ZFYVE1: variants seen among roughly 807,000 people sequenced by gnomAD.
ZFYVE1 encodes zinc finger FYVE domain-containing protein 1.
Under a neutral mutation model 74.4 loss-of-function variants are expected in ZFYVE1, and 30 were observed. That is an observed-to-expected ratio of 0.40 (90% CI 0.30 to 0.55). The LOEUF (loss-of-function observed/expected upper bound fraction) is 0.55, where lower values mean the gene tolerates loss of function less well. ZFYVE1 is among the 20% of genes least tolerant of loss of function. The pLI is 0.42. For missense variants in ZFYVE1, 703 were observed against 1,011.6 expected, an observed-to-expected ratio of 0.69 and a Z score of 4.14; for synonymous variants, 335 against 385.1, an observed-to-expected ratio of 0.87 and a Z score of 1.52.
chr14:72,996,642 A>C (rs558799594), intron 3 of ZFYVE1, among the ~76,000 whole-genome samples: 56 of 152,150 alleles, frequency 3.7e-4, no homozygotes, highest in Admixed American at 7.2e-4. Context: ...CCCCTCCTCC[A>C]TCTAGCCAAG....
chr14:72,998,353 C>T (rs1380698613), intron 2 of ZFYVE1, 38 bp from the exon 3 acceptor site: 2 of 1,471,864 alleles, frequency 1.4e-6, no homozygotes, highest in East Asian at 2.3e-5. Context: ...AATACAGAAA[C>T]TGTAAAAGCA....
chr14:72,992,068 G>A (rs1050147025), intron 4 of ZFYVE1, among the ~76,000 whole-genome samples: 5 of 151,892 alleles, frequency 3.3e-5, no homozygotes, highest in Admixed American at 6.6e-5. Flanking sequence ...CACCATGCCC[G>A]GCTAATTTTT....
intron 2 of ZFYVE1, among the ~76,000 whole-genome samples, chr14:73,001,050 C>G (rs917289474): frequency 6.6e-6 from 1 of 152,240 alleles, no homozygotes; most frequent in Non-Finnish European, 1.5e-5. Flanking sequence ...TTCCTCCTTT[C>G]AGTCTTCCTA....
chr14:73,025,434 A>G (rs572823593), intron 1 of ZFYVE1, among the ~76,000 whole-genome samples: 7 of 151,596 alleles, frequency 4.6e-5, no homozygotes, highest in Non-Finnish European at 1.0e-4. Context: ...AGTGGCTCAC[A>G]CCTGTAATTC....
chr14:72,969,793 T>C lies in ZFYVE1; in HGVS notation c.*1089A>G. 2.9e-6 allele frequency: 2 copies of C among 696,966 alleles called. No individual in the cohort carries two copies. Among genetic ancestry groups the C allele is most frequent in the South Asian group, 3.0e-5 (2 of 66,446 alleles). The allele number at this position is 696,966 out of a possible 1,614,324, so 43.2% of individuals were successfully genotyped here. A position where few individuals can be genotyped will look rare whatever the true frequency, so the allele number is the denominator to read the frequency against. ...AAACAAAAGTTCCTTTGACTTCTCT[T>C]GCAAGGACCAAAGAGATAAATTTTT... On this transcript the variant is annotated 3_prime_UTR_variant, in exon 12 of 12. Transcript: ENST00000556143.
chr14:73,006,932 G>A (rs763716673), intron 2 of ZFYVE1, among the ~76,000 whole-genome samples: 55 of 151,782 alleles, frequency 3.6e-4, no homozygotes, highest in Admixed American at 3.4e-3. Context: ...AGCTGGTCTC[G>A]AACTCCCTGA....
intron 2 of ZFYVE1, among the ~76,000 whole-genome samples, chr14:72,999,522 G>C (rs1011868511): frequency 6.6e-6 from 1 of 152,040 alleles, no homozygotes; most frequent in Admixed American, 6.5e-5. Flanking sequence ...AGGAGTTGGA[G>C]GTTACAGTGA....
chr14:72,975,978 C>G lies in ZFYVE1; in HGVS notation c.1636-257G>C. 1 of 393,062 alleles carries G rather than the reference C, an allele frequency of 2.5e-6. No individual in the cohort carries two copies. Among genetic ancestry groups the G allele is most frequent in the Admixed American group, 4.2e-5 (1 of 23,598 alleles). The allele number at this position is 393,062 out of a possible 1,614,324, so 24.3% of individuals were successfully genotyped here. On this transcript the variant is annotated intron_variant, in intron 8 of 11. Transcript: ENST00000556143. This position sits in a 1 kb window ranked among gnomAD's most constrained non-coding sequence, Gnocchi z 4.1. ...AGGAGATGACACCTCCTCCAGGGGG[C>G]CCCGCACCGCAGGCTGAGTTAAGAA...
At chr14:73,012,404 C>T (rs1163709060) in intron 2 of ZFYVE1, among the ~76,000 whole-genome samples, 1 of 151,968 alleles carries the variant, frequency 6.6e-6, no homozygotes. Context: ...GGTGGATCAC[C>T]TGAGGTCAGG....
At chr14:73,014,487 T>C (rs1220749730) in intron 2 of ZFYVE1, among the ~76,000 whole-genome samples, 2 of 152,240 alleles carry the variant, frequency 1.3e-5, no homozygotes, top group Non-Finnish European at 2.9e-5. Context: ...GAGGAGGCCC[T>C]ACTACCAACC....
rs370949783 is a variant in ZFYVE1 at position 73,024,084 on chromosome 14, T to C, written c.425A>G (p.Lys142Arg). The change falls in exon 2 of 12, where the codon AAG (lysine) becomes AGG (arginine). Residue 142 changes from lysine (K) to arginine (R), a missense_variant. Lys to Arg is a conservative substitution (Grantham distance 26). Transcript: ENST00000556143. ...AEEMDEETKR[K>R]KMTEKVVSFL... ...ACTCACAACCTTCTCAGTCATCTTC[T>C]TCCTCTTGGTCTCCTCATCCATCTC... is the stretch of plus-strand genomic sequence containing the variant. 8.1e-5 allele frequency: 130 copies of C among 1,614,186 alleles called. No individual in the cohort carries two copies. The highest frequency in any genetic ancestry group is 9.9e-5 in the Non-Finnish European group (117 of 1,180,048).
rs200618669 is a variant in ZFYVE1 at position 73,024,022 on chromosome 14, T to G, written c.483+4A>C. On this transcript the variant is annotated splice_donor_region_variant and intron_variant, in intron 2 of 11. Coordinates refer to ENST00000556143, the MANE Select transcript of ZFYVE1 (RefSeq NM_021260.4). ...CATGAATCCCACTATACCCGTGTGCTTACCTGAATTTCTTCATTTTCGTCT... is the reference window on the plus strand; with the variant it reads ...CATGAATCCCACTATACCCGTGTGCGTACCTGAATTTCTTCATTTTCGTCT... 8.1e-6 allele frequency: 13 copies of G among 1,613,300 alleles called. No individual in the cohort carries two copies. The highest frequency in any genetic ancestry group is 7.7e-5 in the South Asian group (7 of 91,034).
intron 4 of ZFYVE1, among the ~76,000 whole-genome samples, chr14:72,982,417 T>C (rs985854248): frequency 2.0e-5 from 3 of 151,414 alleles, no homozygotes; most frequent in Non-Finnish European, 2.9e-5. Context: ...AGAATTATTA[T>C]AGTGTTTGCC....
intron 2 of ZFYVE1, among the ~76,000 whole-genome samples, chr14:73,007,224 TGGAA>T (rs1352520888): frequency 1.3e-5 from 2 of 152,016 alleles, no homozygotes; most frequent in Non-Finnish European, 2.9e-5. Flanking sequence ...TAAAGAGCCT[TGGAA>T]GGAAGGAAGT....
chr14:72,978,735 A>C (rs1893245677), intron 6 of ZFYVE1, 126 bp downstream of exon 6: 2 of 758,024 alleles, frequency 2.6e-6, no homozygotes. Flanking sequence ...GAGAAGTTCC[A>C]GAAATATTCA....
intron 2 of ZFYVE1, among the ~76,000 whole-genome samples, chr14:73,022,846 G>A (rs1894345333): frequency 6.6e-6 from 1 of 152,004 alleles, no homozygotes; most frequent in Admixed American, 6.6e-5. Context: ...GCCCCTCACT[G>A]GCTTTTACTG....
intron 7 of ZFYVE1, 46 bp downstream of exon 7, chr14:72,978,091 G>C (rs781687704): frequency 6.2e-7 from 1 of 1,613,430 alleles, no homozygotes; most frequent in South Asian, 1.1e-5. Context: ...GGTGCCTGGG[G>C]AGACAAACGC....
intron 2 of ZFYVE1, among the ~76,000 whole-genome samples, chr14:73,022,253 A>T (rs910593054): frequency 2.0e-5 from 3 of 152,246 alleles, no homozygotes; most frequent in Non-Finnish European, 2.9e-5. Flanking sequence ...CTGTGTTAGC[A>T]AAGTATTAAC....
chr14:73,026,896 G>C (rs1413427045), intron 1 of ZFYVE1, 30 bp downstream of exon 1: 4 of 290,008 alleles, frequency 1.4e-5, no homozygotes, highest in Non-Finnish European at 2.5e-5. Context: ...TCCCCGCCCT[G>C]CCCTGCCCGC....
Sources: allele counts gnomAD v4.1 joint callset (sites outside exome capture counted in the v4.1 genomes callset), GRCh38; gene constraint gnomAD v4.1.1; non-coding constraint Gnocchi (gnomAD v3.1); transcripts MANE v1.5; gene names NCBI Gene and HGNC (gene_info 2026-07-23, HGNC 2026-07-21).